Variants in TLL1 observed in about 807,000 individuals in gnomAD.
The protein encoded by TLL1 is tolloid-like protein 1.
Under a neutral mutation model 128.2 loss-of-function variants are expected in TLL1, and 49 were observed. The ratio of observed to expected loss-of-function variants is 0.38; its 90% CI spans 0.30 to 0.48. TLL1 has a LOEUF of 0.48. Ranked by LOEUF, TLL1 falls within the 20% of genes least tolerant of loss-of-function variation. The probability of loss-of-function intolerance (pLI) is 0.96; values close to 1 mark genes in which losing one functional copy is unlikely to be tolerated. For synonymous variants in TLL1, 454 were observed against 418.8 expected (o/e 1.08, Z -1.03); for missense variants, 1,123 against 1,242.0 (o/e 0.90, Z 1.44).
intron 1 of TLL1, among the ~76,000 whole-genome samples, chr4:165,943,614 G>C (rs1325013113): frequency 6.6e-6 from 1 of 151,978 alleles, no homozygotes; most frequent in Non-Finnish European, 1.5e-5. Context: ...AGTTCTAGCT[G>C]TGGTTATTTG....
chr4:166,041,304 CTTT>C (rs754411284), intron 10 of TLL1, among the ~76,000 whole-genome samples: 13 of 52,220 alleles, frequency 2.5e-4, no homozygotes, highest in African/African-American at 8.0e-4. Context: ...TTCTTTCTTT[CTTT>C]TTTTTTTTTT....
rs1403537996 is a variant in TLL1, at chr4:166,055,256, G to C, written c.1705G>C (p.Ala569Pro). 1.2e-6 allele frequency: 2 copies of C among 1,613,404 alleles called. No homozygotes were observed. Among genetic ancestry groups the C allele is most frequent in the Non-Finnish European group, 1.7e-6 (2 of 1,179,748 alleles). The change falls in exon 13 of 21, where the codon GCT (alanine) becomes CCT (proline). Residue 569 changes from alanine (A) to proline (P), a missense_variant. Physicochemically the swap from Ala to Pro is conservative, Grantham distance 27. Transcript: ENST00000061240. ...AACTGTGAACAAAGCAGGGTTTGCT[G>C]CTAACTTTTTTAAAGGTAATTTGAA... ...DGTVNKAGFA[A>P]NFFKEEDECA...
At chr4:166,076,938 T>G (rs566939225) in intron 17 of TLL1, among the ~76,000 whole-genome samples, 119 of 152,302 alleles carry the variant, frequency 7.8e-4, no homozygotes, top group African/African-American at 2.6e-3. Context: ...GTGCACTAAC[T>G]AATGTTGGGC....
At chr4:165,946,499 ATTTTTTTT>A (rs59178153) in intron 1 of TLL1, among the ~76,000 whole-genome samples, 12 of 128,958 alleles carry the variant, frequency 9.3e-5, no homozygotes, top group Non-Finnish European at 1.8e-4. Flanking sequence ...TACCCAGCTA[ATTTTTTTT>A]TTTTTTTTTT....
chr4:166,004,817 G>T (rs79322670), intron 6 of TLL1, among the ~76,000 whole-genome samples: 2,058 of 152,094 alleles, frequency 0.014, 46 homozygotes, highest in African/African-American at 0.047. Context: ...GTAAACCTGG[G>T]GAGGAAATTC....
intron 1 of TLL1, among the ~76,000 whole-genome samples, chr4:165,880,546 T>C (rs779153362): frequency 2.6e-5 from 4 of 152,218 alleles, no homozygotes; most frequent in Admixed American, 2.6e-4. Context: ...TTTTTCCCAA[T>C]CAAAATCTAG....
At chr4:166,069,257 A>AT (rs1344664333) in intron 16 of TLL1, among the ~76,000 whole-genome samples, 1 of 151,748 alleles carries the variant, frequency 6.6e-6, no homozygotes, top group Non-Finnish European at 1.5e-5. Context: ...ATCAAGAGAT[A>AT]TTTTATAGAC....
chr4:166,100,913 T>G lies in TLL1; in HGVS notation c.*37T>G, dbSNP rs758850115. On this transcript the variant is annotated 3_prime_UTR_variant, in exon 21 of 21. Coordinates refer to ENST00000061240, the MANE Select transcript of TLL1 (RefSeq NM_012464.5). Reference sequence around the variant, plus strand: ...CTGTCAGAACACAAAGGAATGTGCATAATGGAGAGAAGACATATTTTTTTT... The same window carrying G: ...CTGTCAGAACACAAAGGAATGTGCAGAATGGAGAGAAGACATATTTTTTTT... 1 of 1,609,576 alleles carries G rather than the reference T, an allele frequency of 6.2e-7. No homozygotes were observed. Among genetic ancestry groups the G allele is most frequent in the Non-Finnish European group, 8.5e-7 (1 of 1,177,574 alleles).
intron 20 of TLL1, 116 bp from the exon 21 acceptor site, chr4:166,100,626 T>C: frequency 9.5e-6 from 13 of 1,364,438 alleles, no homozygotes; most frequent in Non-Finnish European, 1.1e-5. Context: ...TCCAAGGTTG[T>C]TGGGAGGATT....
At chr4:165,970,271 G>A (rs191811422) in intron 1 of TLL1, among the ~76,000 whole-genome samples, 109 of 152,144 alleles carry the variant, frequency 7.2e-4, no homozygotes, top group Middle Eastern at 3.4e-3. Flanking sequence ...TGTAAACATT[G>A]CTGTTTTCTT....
chr4:166,065,320 A>G (rs931078430), intron 15 of TLL1, among the ~76,000 whole-genome samples: 1 of 152,058 alleles, frequency 6.6e-6, no homozygotes, highest in East Asian at 1.9e-4. Flanking sequence ...TAAAGTTACT[A>G]ATGGTGCTGT....
chr4:165,878,445 C>T (rs1397389975), intron 1 of TLL1, among the ~76,000 whole-genome samples: 2 of 151,908 alleles, frequency 1.3e-5, no homozygotes, highest in African/African-American at 4.8e-5. Context: ...ATGGATAAGA[C>T]ATTATATTCC....
At chr4:166,015,671 G>A (rs1260394814) in intron 8 of TLL1, among the ~76,000 whole-genome samples, 1 of 151,868 alleles carries the variant, frequency 6.6e-6, no homozygotes, top group Non-Finnish European at 1.5e-5. Context: ...GTGCAAGCAA[G>A]AAAAAGTGAG....
intron 1 of TLL1, among the ~76,000 whole-genome samples, chr4:165,974,201 C>T (rs1370143381): frequency 1.1e-4 from 12 of 104,984 alleles, no homozygotes; most frequent in Admixed American, 1.1e-3. Flanking sequence ...AGTGCAGTGG[C>T]GGGATCTCGG....
At chr4:166,074,389 AT>A (rs1200315234) in intron 16 of TLL1, among the ~76,000 whole-genome samples, 2 of 151,736 alleles carry the variant, frequency 1.3e-5, no homozygotes, top group Non-Finnish European at 2.9e-5. Context: ...ATACTGAGTG[AT>A]TTTTTTAAGT....
chr4:165,920,035 G>A (rs1018005285), intron 1 of TLL1: 2 of 240,378 alleles, frequency 8.3e-6, no homozygotes, highest in African/African-American at 4.6e-5. Context: ...TGTGTTTTAT[G>A]TCAGCATCAT....
chr4:166,036,926 A>AT (rs961887442), intron 9 of TLL1, among the ~76,000 whole-genome samples: 2 of 151,338 alleles, frequency 1.3e-5, no homozygotes, highest in Non-Finnish European at 2.9e-5. Flanking sequence ...ATTTAGCTTT[A>AT]TTTTTTTTCC....
chr4:165,994,958 G>T lies in TLL1; in HGVS notation c.515-103G>T, dbSNP rs974109678. On this transcript the variant is annotated intron_variant, in intron 4 of 20. Coordinates refer to ENST00000061240, the MANE Select transcript of TLL1 (RefSeq NM_012464.5). ...TAGTATTCTTTGGTTGATGATAGTGGTGGCATTCTGCACTGCTCAGCCAGA... is the reference window on the plus strand; with the variant it reads ...TAGTATTCTTTGGTTGATGATAGTGTTGGCATTCTGCACTGCTCAGCCAGA... 1.5e-5 allele frequency: 13 copies of T among 859,454 alleles called. No homozygotes were observed. In the African/African-American group the frequency reaches 2.0e-4, roughly 13 times the overall value. 53.2% of individuals were successfully genotyped at this position (859,454 alleles called of 1,614,324 possible).
chr4:166,018,037 G>C lies in TLL1; in HGVS notation c.1042+3477G>C, dbSNP rs562106563. Among the ~76,000 whole-genome samples the C allele has an allele frequency of 1.4e-4, 21 of 152,288 alleles. No individual in the cohort carries two copies. The South Asian group carries it at 4.3e-3, about 32-fold the overall frequency. On this transcript the variant is annotated intron_variant, in intron 8 of 20. Transcript: ENST00000061240. ...GGGTGACTCATCTGTGAACAACCCA[G>C]AAGAGAGTAAGAGTTTATAAATTGA...
Sources: allele counts gnomAD v4.1 joint callset (sites outside exome capture counted in the v4.1 genomes callset), GRCh38; gene constraint gnomAD v4.1.1; transcripts MANE v1.5; gene names NCBI Gene and HGNC (gene_info 2026-07-23, HGNC 2026-07-21).